The following TGFBRAP1 variants were observed in gnomAD, a reference collection of about 807,000 sequenced individuals.
TGFBRAP1 encodes transforming growth factor beta receptor associated protein 1, also known as transforming growth factor-beta receptor-associated protein 1.
A neutral mutation model predicts 83.2 loss-of-function variants in TGFBRAP1; 20 were observed. The ratio of observed to expected loss-of-function variants is 0.24; its 90% CI spans 0.17 to 0.35. The LOEUF (loss-of-function observed/expected upper bound fraction) is 0.35, where lower values mean the gene tolerates loss of function less well. Among genes scored for constraint, TGFBRAP1 ranks in the 10% least tolerant of loss-of-function variants. The probability of loss-of-function intolerance (pLI) is 1.00; values close to 1 mark genes in which losing one functional copy is unlikely to be tolerated. For synonymous variants in TGFBRAP1, 415 were observed against 459.8 expected (o/e 0.90, Z 1.25); for missense variants, 950 against 1,099.4 (o/e 0.86, Z 1.92).
chr2:105,286,346 C>T (rs1259929135), intron 4 of TGFBRAP1, among the ~76,000 whole-genome samples: 1 of 152,138 alleles, frequency 6.6e-6, no homozygotes, highest in Non-Finnish European at 1.5e-5. Flanking sequence ...CCAAGCATGG[C>T]CAATTCTTGG....
intron 1 of TGFBRAP1, among the ~76,000 whole-genome samples, chr2:105,323,940 T>C (rs1436646998): frequency 6.6e-6 from 1 of 152,098 alleles, no homozygotes; most frequent in African/African-American, 2.4e-5. Context: ...GGAGTTTAGA[T>C]AAATCCAAAC....
chr2:105,288,225 T>C (rs1677780672), intron 4 of TGFBRAP1, among the ~76,000 whole-genome samples: 2 of 152,210 alleles, frequency 1.3e-5, no homozygotes, highest in Admixed American at 6.5e-5. Flanking sequence ...ACACACACCA[T>C]GTAAACCCTG....
At chr2:105,278,602 G>A (rs947299418) in intron 6 of TGFBRAP1, among the ~76,000 whole-genome samples, 9 of 152,010 alleles carry the variant, frequency 5.9e-5, no homozygotes, top group Non-Finnish European at 1.2e-4. Flanking sequence ...GGAAAAGATC[G>A]GCAATAGCAT....
At position 105,272,019 on chromosome 2, in the gene TGFBRAP1, G is replaced by A. The variant is rs901623734; in HGVS notation, c.1972+836C>T. 3.3e-5 allele frequency among the ~76,000 whole-genome samples: 5 copies of A among 152,168 alleles called. No individual in the cohort carries two copies. The South Asian group carries it at 6.2e-4, about 19-fold the overall frequency. On this transcript the variant is annotated intron_variant, in intron 10 of 11. Coordinates refer to ENST00000393359, the MANE Select transcript of TGFBRAP1 (RefSeq NM_004257.6). ...TGCCTAGCGCTCCTAAGCTCTGGAA[G>A]GTTGTGATGTGCTTTATGGAGACAA...
At chr2:105,258,420 AAT>A in the TGFBRAP1 span, among the ~76,000 whole-genome samples, 3 of 151,926 alleles carry the variant, frequency 2.0e-5, no homozygotes, top group African/African-American at 7.2e-5. Context: ...GGCATCATCC[AAT>A]CCACTGAGGG....
intron 4 of TGFBRAP1, among the ~76,000 whole-genome samples, chr2:105,285,857 A>G (rs1419176222): frequency 6.6e-6 from 1 of 152,192 alleles, no homozygotes; most frequent in African/African-American, 2.4e-5. Flanking sequence ...GAAACCAGCC[A>G]TTTCTGACCT....
Position 105,307,689 on chromosome 2 carries a change from A to C in TGFBRAP1, c.613T>G (p.Cys205Gly). The C allele has an allele frequency of 6.2e-7, 1 of 1,614,018 alleles. No homozygotes were observed. The highest frequency in any genetic ancestry group is 2.2e-5 in the East Asian group (1 of 44,882). The change falls in exon 2 of 12, where the codon TGC becomes GGC. Residue 205 changes from cysteine to glycine, a missense_variant. By Grantham distance (159) the Cys-to-Gly change is radical (BLOSUM62 -3). Coordinates refer to ENST00000393359, the MANE Select transcript of TGFBRAP1 (RefSeq NM_004257.6). ...ACGATCGGCGGCCTCTCCTCACTGC[A>C]GTAGGGAAACAGGTCCTGGGAGACG... is the stretch of plus-strand genomic sequence containing the variant. ...TGVSQDLFPYCSEERPPIVKR... is the reference protein window; with the variant it reads ...TGVSQDLFPYGSEERPPIVKR...
rs979266652 is a variant in TGFBRAP1, at chr2:105,269,041, C to G, written c.2406+231G>C. ...TCTCCTCCCTACAGACTCTCTTAAT[C>G]ACCAGCGTCCAAAAGGGGAGAAAAA... On this transcript the variant is annotated intron_variant, in intron 11 of 11. Transcript: ENST00000393359. The surrounding 1 kb of genome is among the most constrained non-coding windows in gnomAD (Gnocchi z 4.1). Among the ~76,000 whole-genome samples, 1 of 152,246 alleles carries G rather than the reference C, an allele frequency of 6.6e-6. No homozygotes were observed. Among genetic ancestry groups the G allele is most frequent in the Non-Finnish European group, 1.5e-5 (1 of 68,042 alleles).
At chr2:105,306,750 T>C (rs1678513067) in intron 2 of TGFBRAP1, among the ~76,000 whole-genome samples, 1 of 151,932 alleles carries the variant, frequency 6.6e-6, no homozygotes, top group South Asian at 2.1e-4. Flanking sequence ...AGTGAGCCGA[T>C]ACTGTGCCAC....
In TGFBRAP1 at chr2:105,289,875, T is replaced by C. The variant is rs1288909201; in HGVS notation, c.1039-5477A>G. Among the ~76,000 whole-genome samples, 3 of 152,260 alleles carry C rather than the reference T, an allele frequency of 2.0e-5. No homozygotes were observed. In the East Asian group the frequency reaches 5.8e-4, roughly 29 times the overall value. ...TTCTTGAATTGCCCTCCCAAGAGGC[T>C]GTATCAATTTAAATTATTACAGGAC... On this transcript the variant is annotated intron_variant, in intron 4 of 11. Coordinates refer to ENST00000393359, the MANE Select transcript of TGFBRAP1 (RefSeq NM_004257.6).
chr2:105,250,789 G>C, the TGFBRAP1 span, among the ~76,000 whole-genome samples: 2 of 152,162 alleles, frequency 1.3e-5, no homozygotes, highest in Non-Finnish European at 2.9e-5. Context: ...GAGTGCCTGC[G>C]ATTGCAGGCG....
In TGFBRAP1 at chr2:105,316,509, T is replaced by C. The variant is rs17020873; in HGVS notation, c.-17-8191A>G. 3.2e-3 allele frequency among the ~76,000 whole-genome samples: 481 copies of C among 148,232 alleles called. 5 individuals are homozygous for C. Among genetic ancestry groups the C allele is most frequent in the African/African-American group, 0.011 (444 of 40,014 alleles). ...CGCACATAACTCAAAAAGCAGATTC[T>C]AAAATTCACATGGCAGACTGGGAGC... On this transcript the variant is annotated intron_variant, in intron 1 of 11. Coordinates refer to ENST00000393359, the MANE Select transcript of TGFBRAP1 (RefSeq NM_004257.6).
the TGFBRAP1 span, among the ~76,000 whole-genome samples, chr2:105,250,802 C>T: frequency 2.0e-5 from 3 of 152,192 alleles, no homozygotes; most frequent in Non-Finnish European, 2.9e-5. Flanking sequence ...TGCAGGCGCG[C>T]GCCGCCACGC....
intron 5 of TGFBRAP1, among the ~76,000 whole-genome samples, chr2:105,283,740 G>C (rs1007656177): frequency 1.3e-5 from 2 of 152,190 alleles, no homozygotes; most frequent in Non-Finnish European, 2.9e-5. Flanking sequence ...AGGGGAAAGG[G>C]GAGAACACAA....
intron 4 of TGFBRAP1, among the ~76,000 whole-genome samples, chr2:105,291,257 C>T (rs1012658660): frequency 2.6e-5 from 4 of 152,210 alleles, no homozygotes; most frequent in African/African-American, 9.6e-5. Flanking sequence ...GTCTCTGCCA[C>T]GTGAAGACAG....
intron 1 of TGFBRAP1, among the ~76,000 whole-genome samples, chr2:105,309,227 C>T (rs1392963539): frequency 5.3e-5 from 8 of 152,194 alleles, no homozygotes. Context: ...GAAGCAAACT[C>T]AAAGGCACAG....
At chr2:105,307,160 G>A (rs932590249) in intron 2 of TGFBRAP1, among the ~76,000 whole-genome samples, 11 of 151,622 alleles carry the variant, frequency 7.3e-5, no homozygotes, top group East Asian at 5.8e-4. Context: ...ATAAAAACCC[G>A]ATGCAGAACT....
chr2:105,316,420 A>AGTGTGTGTGTGTGT (rs71393002), intron 1 of TGFBRAP1, among the ~76,000 whole-genome samples: 61 of 109,108 alleles, frequency 5.6e-4, no homozygotes, highest in East Asian at 1.7e-3. Flanking sequence ...AGGTATAGGG[A>AGTGTGTGTGTGTGT]GTGTGTGTGT....
chr2:105,323,016 C>G (rs761962124), intron 1 of TGFBRAP1, among the ~76,000 whole-genome samples: 5 of 152,146 alleles, frequency 3.3e-5, no homozygotes, highest in Non-Finnish European at 7.3e-5. Context: ...GCTAAATCAC[C>G]GAGGACTCAG....
Sources: gnomAD v4.1 joint callset for allele counts (sites outside exome capture counted in the v4.1 genomes callset) on GRCh38, gnomAD v4.1.1 for gene constraint, Gnocchi (gnomAD v3.1) non-coding constraint, MANE v1.5 for transcripts, NCBI Gene and HGNC (gene_info 2026-07-23, HGNC 2026-07-21) for gene names.